KPNA2: variants seen among roughly 807,000 people sequenced by gnomAD.
KPNA2 encodes the protein importin subunit alpha-1.
A neutral mutation model predicts 53.7 loss-of-function variants in KPNA2; 20 were observed. The ratio of observed to expected loss-of-function variants is 0.37; its 90% CI spans 0.26 to 0.54. KPNA2 has a LOEUF of 0.54. Ranked by LOEUF, KPNA2 falls within the 20% of genes least tolerant of loss-of-function variation. The pLI is 0.83. For missense variants in KPNA2, 515 were observed against 640.3 expected (o/e 0.80, Z 2.11); for synonymous variants, 238 against 227.5 (o/e 1.05, Z -0.42).
rs1555705076 is a variant in KPNA2 at position 68,044,057 on chromosome 17, A to G, written c.1150A>G (p.Ser384Gly). 2 of 1,612,160 alleles carry G rather than the reference A, an allele frequency of 1.2e-6. No individual in the cohort carries two copies. The highest frequency in any genetic ancestry group is 3.3e-5 in the Admixed American group (2 of 60,008). ...VNHGLVPFLV[S>G]VLSKADFKTQ... is the part of the protein sequence containing the mutation. ...TCATGGATTAGTCCCATTCCTTGTCAGTGTTCTCTCTAAGGTAACGAAGTC... is the reference window on the plus strand; with the variant it reads ...TCATGGATTAGTCCCATTCCTTGTCGGTGTTCTCTCTAAGGTAACGAAGTC... The change falls in exon 8 of 11, where the codon AGT (serine) becomes GGT (glycine). Residue 384 changes from serine (S) to glycine (G), a missense_variant. Transcript: ENST00000330459.
chr17:68,041,992 C>A, intron 4 of KPNA2, 93 bp from the exon 5 acceptor site: 1 of 1,122,848 alleles, frequency 8.9e-7, no homozygotes, highest in Non-Finnish European at 1.3e-6. Flanking sequence ...GTCTGAAGTT[C>A]TAAACTCTTG....
chr17:68,044,228 G>C (rs1321182141), intron 8 of KPNA2, 93 bp from the exon 9 acceptor site: 1 of 1,352,792 alleles, frequency 7.4e-7, no homozygotes, highest in African/African-American at 1.5e-5. Context: ...ATAGAACCTT[G>C]GTACTTTCAG....
chr17:68,042,621 G>A (rs538177142), intron 5 of KPNA2, among the ~76,000 whole-genome samples: 2 of 152,214 alleles, frequency 1.3e-5, no homozygotes. Flanking sequence ...GGTGGCTCAC[G>A]CCTGTAATCC....
chr17:68,045,637 C>A, intron 9 of KPNA2, 135 bp from the exon 10 acceptor site: 1 of 655,832 alleles, frequency 1.5e-6, no homozygotes, highest in South Asian at 2.7e-5. Context: ...GGACATAAAA[C>A]TATGATAGGC....
intron 7 of KPNA2, 49 bp from the exon 8 acceptor site, chr17:68,043,789 A>AAAGTAT: frequency 8.3e-7 from 1 of 1,204,968 alleles, no homozygotes; most frequent in Admixed American, 1.8e-5. Flanking sequence ...AGAATTTCTA[A>AAAGTAT]AGTGCTGGGG....
chr17:68,042,293 T>C lies in KPNA2; in HGVS notation c.511T>C (p.Leu171=). ...GGAIPAFISL[L]ASPHAHISEQ... is the part of the protein sequence containing the mutation. ...TGCCATCCCAGCATTCATTTCTCTG[T>C]TGGCATCTCCCCATGCTCACATCAG... Residue 171 remains leucine, a synonymous_variant, in exon 5 of 11, where the codon TTG becomes CTG. Transcript: ENST00000330459. 4 of 1,614,184 alleles carry C rather than the reference T, an allele frequency of 2.5e-6. No individual in the cohort carries two copies. Among genetic ancestry groups the C allele is most frequent in the Non-Finnish European group, 3.4e-6 (4 of 1,179,998 alleles).
In KPNA2 at chr17:68,042,768, G is replaced by T. The variant is rs1165420754; in HGVS notation, c.572-137G>T. 7.1e-6 allele frequency: 5 copies of T among 708,878 alleles called. No homozygotes were observed. In the East Asian group the frequency reaches 7.6e-5, roughly 11 times the overall value. The allele number at this position is 708,878 out of a possible 1,614,324, so 43.9% of individuals were successfully genotyped here. A position where few individuals can be genotyped will look rare whatever the true frequency, so the allele number is the denominator to read the frequency against. On this transcript the variant is annotated intron_variant, in intron 5 of 10. Coordinates refer to ENST00000330459, the MANE Select transcript of KPNA2 (RefSeq NM_002266.4). ...GTGGCGGCGGGCGCCTGAGGCTGAG[G>T]CAGGAGAATGGCTTGAACCCAGGAG...
chr17:68,046,392 A>T, intron 10 of KPNA2, 112 bp from the exon 11 acceptor site: 2 of 658,028 alleles, frequency 3.0e-6, no homozygotes, highest in Non-Finnish European at 2.6e-6. Flanking sequence ...ATCATACAGG[A>T]TTAAAGGTGT....
In KPNA2 at chr17:68,044,089, T is replaced by G; in HGVS notation, c.1164+18T>G. 6.4e-7 allele frequency: 1 copy of G among 1,565,642 alleles called. No homozygotes were observed. Among genetic ancestry groups the G allele is most frequent in the African/African-American group, 1.4e-5 (1 of 73,672 alleles). ...TCTCTAAGGTAACGAAGTCTTAGGA[T>G]TTAATCAAGTCATTTTTAGTATTTA... On this transcript the variant is annotated intron_variant, in intron 8 of 10. Coordinates refer to ENST00000330459, the MANE Select transcript of KPNA2 (RefSeq NM_002266.4).
chr17:68,040,816 A>C, intron 4 of KPNA2, 50 bp downstream of exon 4: 2 of 998,924 alleles, frequency 2.0e-6, no homozygotes, highest in Non-Finnish European at 2.8e-6. Context: ...TTGTGTTTTT[A>C]GATTTTTTTT....
intron 3 of KPNA2, among the ~76,000 whole-genome samples, chr17:68,037,771 G>A (rs2071207586): frequency 6.6e-6 from 1 of 151,842 alleles, no homozygotes; most frequent in African/African-American, 2.4e-5. Flanking sequence ...AGTGTGTCCA[G>A]AGCCAGCCAG....
Position 68,043,822 on chromosome 17 carries a change from A to ATTT in KPNA2, c.931-6_931-4dup. 2.5e-6 allele frequency: 3 copies of ATTT among 1,184,868 alleles called. No homozygotes were observed. Among genetic ancestry groups the ATTT allele is most frequent in the South Asian group, 1.4e-5 (1 of 71,724 alleles). The allele number at this position is 1,184,868 out of a possible 1,614,324, so 73.4% of individuals were successfully genotyped here. The stretch of plus-strand genomic sequence containing the variant: ...GGGAAAAAATAACCAGCATCAACAT[A>ATTT]TTTTTTTTTTTTCAGACTCCTGCCC... On this transcript the variant is annotated splice_polypyrimidine_tract_variant and intron_variant, in intron 7 of 10. Transcript: ENST00000330459.
intron 3 of KPNA2, among the ~76,000 whole-genome samples, chr17:68,039,195 A>T (rs1416806045): frequency 1.3e-5 from 2 of 151,686 alleles, no homozygotes; most frequent in Non-Finnish European, 2.9e-5. Flanking sequence ...ATCTTGGCTG[A>T]CTGCAGCCTC....
Position 68,043,164 on chromosome 17 carries a change from C to G in KPNA2, c.731C>G (p.Pro244Arg). The change falls in exon 7 of 11, where the codon CCC (proline) becomes CGC (arginine). Residue 244 changes from proline (P) to arginine (R), a missense_variant. Physicochemically the swap from Pro to Arg is moderately radical, Grantham distance 103. Coordinates refer to ENST00000330459, the MANE Select transcript of KPNA2 (RefSeq NM_002266.4). ...SNLCRNKNPA[P>R]PIDAVEQILP... is the part of the protein sequence containing the mutation. ...CTTTGCCGCAACAAGAATCCTGCACCCCCGATAGATGCTGTTGAGCAGATT... is the reference window on the plus strand; with the variant it reads ...CTTTGCCGCAACAAGAATCCTGCACGCCCGATAGATGCTGTTGAGCAGATT... 2 of 1,614,118 alleles carry G rather than the reference C, an allele frequency of 1.2e-6. No individual in the cohort carries two copies. The highest frequency in any genetic ancestry group is 1.1e-5 in the South Asian group (1 of 91,082).
intron 5 of KPNA2, 23 bp from the exon 6 acceptor site, chr17:68,042,882 A>T (rs1555704789): frequency 4.8e-6 from 7 of 1,459,518 alleles, no homozygotes; most frequent in African/African-American, 1.4e-5. Context: ...AAAAAAAAAA[A>T]TTAATCTTGC....
chr17:68,046,378 T>C (rs1555705421), intron 10 of KPNA2, 126 bp from the exon 11 acceptor site: 1 of 606,952 alleles, frequency 1.6e-6, no homozygotes, highest in African/African-American at 1.9e-5. Context: ...TCAAATACTA[T>C]AATATCATAC....
chr17:68,044,949 G>A (rs563920680), intron 9 of KPNA2, among the ~76,000 whole-genome samples: 2 of 152,226 alleles, frequency 1.3e-5, no homozygotes, highest in South Asian at 2.1e-4. Context: ...GCAAGAATTA[G>A]CCATGTGTGG....
At position 68,043,103 on chromosome 17, in the gene KPNA2, G is replaced by A; in HGVS notation, c.670G>A (p.Gly224Ser). 1.2e-6 allele frequency: 2 copies of A among 1,613,824 alleles called. No individual in the cohort carries two copies. Among genetic ancestry groups the A allele is most frequent in the East Asian group, 4.5e-5 (2 of 44,866 alleles). The part of the protein sequence containing the change: ...AVPDMSSLAC[G>S]YLRNLTWTLS... ...TTGCCTATTTTTTTTCCCCCAGTGTGGCTACTTACGTAATCTTACCTGGAC... is the reference window on the plus strand; with the variant it reads ...TTGCCTATTTTTTTTCCCCCAGTGTAGCTACTTACGTAATCTTACCTGGAC... Residue 224 changes from glycine (G) to serine (S), a missense_variant, in exon 7 of 11, where the codon GGC becomes AGC. Physicochemically the swap from Gly to Ser is moderately conservative, Grantham distance 56. Coordinates refer to ENST00000330459, the MANE Select transcript of KPNA2 (RefSeq NM_002266.4).
rs782575040 is a variant in KPNA2, at chr17:68,043,168, G to C, written c.735G>C (p.Pro245=). The C allele has an allele frequency of 1.2e-6, 2 of 1,613,998 alleles. No homozygotes were observed. Among genetic ancestry groups the C allele is most frequent in the Non-Finnish European group, 1.7e-6 (2 of 1,180,012 alleles). Residue 245 remains proline (P), a synonymous_variant, in exon 7 of 11, where the codon CCG becomes CCC. Transcript: ENST00000330459. ...NLCRNKNPAP[P]IDAVEQILPT... The stretch of plus-strand genomic sequence containing the variant: ...GCCGCAACAAGAATCCTGCACCCCC[G>C]ATAGATGCTGTTGAGCAGATTCTTC...
Sources: gnomAD v4.1 joint callset for allele counts (sites outside exome capture counted in the v4.1 genomes callset) on GRCh38, gnomAD v4.1.1 for gene constraint, MANE v1.5 for transcripts, NCBI Gene and HGNC (gene_info 2026-07-23, HGNC 2026-07-21) for gene names.